The following PCDHA12 variants were observed in gnomAD, a reference collection of about 807,000 sequenced individuals.
The protein encoded by PCDHA12 is protocadherin alpha-12.
In PCDHA12, 44 loss-of-function variants were observed where a neutral mutation model predicts 60.0. The ratio of observed to expected loss-of-function variants is 0.73; its 90% confidence interval spans 0.58 to 0.94. The LOEUF (loss-of-function observed/expected upper bound fraction) is 0.94, where lower values mean the gene tolerates loss of function less well. Among genes scored for constraint, PCDHA12 ranks in the 40% least tolerant of loss-of-function variants. PCDHA12 has a pLI of 0.00. For missense variants in PCDHA12, 1,276 were observed against 1,239.7 expected (o/e 1.03, Z -0.44); for synonymous variants, 569 against 553.0 (o/e 1.03, Z -0.40).
intron 1 of PCDHA12, among the ~76,000 whole-genome samples, chr5:140,924,635 C>G (rs2081927697): frequency 6.6e-6 from 1 of 152,108 alleles, no homozygotes; most frequent in Non-Finnish European, 1.5e-5. Context: ...GGGCTCACAC[C>G]TGTAATCCCA....
At chr5:140,923,839 A>G (rs2081544977) in intron 1 of PCDHA12, among the ~76,000 whole-genome samples, 1 of 152,236 alleles carries the variant, frequency 6.6e-6, no homozygotes, top group Non-Finnish European at 1.5e-5. Flanking sequence ...CAGTTTAAAT[A>G]GAGAAATGGG....
intron 1 of PCDHA12, among the ~76,000 whole-genome samples, chr5:140,886,063 G>A (rs547299842): frequency 3.3e-5 from 5 of 152,172 alleles, no homozygotes; most frequent in East Asian, 1.9e-4. Flanking sequence ...TTACAAAAGC[G>A]TAGGGCCATA....
intron 1 of PCDHA12, among the ~76,000 whole-genome samples, chr5:140,914,956 T>C (rs2076915145): frequency 6.6e-6 from 1 of 150,718 alleles, no homozygotes; most frequent in African/African-American, 2.4e-5. Flanking sequence ...TTTTTTTTTT[T>C]TTTTTTCTGA....
At chr5:141,005,422 A>G (rs1383654342) in intron 3 of PCDHA12, among the ~76,000 whole-genome samples, 3 of 152,132 alleles carry the variant, frequency 2.0e-5, no homozygotes, top group African/African-American at 7.2e-5. Flanking sequence ...AGTCATGCTA[A>G]GAATGGATGA....
At chr5:140,938,715 C>T (rs138044331) in intron 1 of PCDHA12, among the ~76,000 whole-genome samples, 10 of 152,038 alleles carry the variant, frequency 6.6e-5, no homozygotes, top group African/African-American at 2.4e-4. Flanking sequence ...ATGATAGAAA[C>T]GCGTTTCTAC....
intron 1 of PCDHA12, among the ~76,000 whole-genome samples, chr5:140,933,742 A>G (rs1242551337): frequency 6.6e-6 from 1 of 152,068 alleles, no homozygotes; most frequent in Non-Finnish European, 1.5e-5. Context: ...AATATTTGGT[A>G]GAATTCACTA....
intron 1 of PCDHA12, among the ~76,000 whole-genome samples, chr5:140,897,416 T>C (rs1233824796): frequency 6.9e-6 from 1 of 145,554 alleles, no homozygotes; most frequent in African/African-American, 2.5e-5. Flanking sequence ...TCAATTCCCA[T>C]CTATGAGTGA....
At chr5:140,952,160 G>A (rs952147312) in intron 1 of PCDHA12, among the ~76,000 whole-genome samples, 1 of 152,044 alleles carries the variant, frequency 6.6e-6, no homozygotes, top group Non-Finnish European at 1.5e-5. Context: ...GGCTTTGTGG[G>A]GTTCAGTTCC....
At chr5:140,972,091 C>G (rs1169233514) in intron 1 of PCDHA12, among the ~76,000 whole-genome samples, 3 of 152,164 alleles carry the variant, frequency 2.0e-5, no homozygotes, top group African/African-American at 4.8e-5. Context: ...AGAGTAATTT[C>G]TGGCATAGAA....
At chr5:140,893,409 T>C (rs2153442529) in intron 1 of PCDHA12, among the ~76,000 whole-genome samples, 1 of 152,154 alleles carries the variant, frequency 6.6e-6, no homozygotes, top group South Asian at 2.1e-4. Context: ...TCCCAGCACT[T>C]AGGGAGGCAG....
chr5:140,955,976 G>A (rs2095244273), intron 1 of PCDHA12, among the ~76,000 whole-genome samples: 1 of 152,180 alleles, frequency 6.6e-6, no homozygotes, highest in South Asian at 2.1e-4. Flanking sequence ...AGGAATGCTA[G>A]CAATTTTTGC....
intron 1 of PCDHA12, chr5:140,884,310 G>C (rs1562802595): frequency 1.2e-6 from 2 of 1,613,792 alleles, no homozygotes; most frequent in African/African-American, 2.7e-5. Context: ...GCTTCGTCGA[G>C]GGCGTCGGCA....
At chr5:141,006,363 C>A (rs2098270160) in intron 3 of PCDHA12, among the ~76,000 whole-genome samples, 1 of 152,080 alleles carries the variant, frequency 6.6e-6, no homozygotes, top group Non-Finnish European at 1.5e-5. Context: ...AGGCGCCCAC[C>A]ACCACGCCCG....
Position 140,883,224 on chromosome 5 carries a change from C to A in PCDHA12, c.2367+5385C>A, listed in dbSNP as rs782659730. The stretch of plus-strand genomic sequence containing the variant: ...GAAGAAAAGAAATTATATGAAATAT[C>A]CGTGGAGGCAGTTGACAAAGGAAAT... On this transcript the variant is annotated intron_variant, in intron 1 of 3. Transcript: ENST00000398631. The A allele has an allele frequency of 1.2e-5, 20 of 1,613,828 alleles. 2 individuals carry two copies. In the South Asian group the frequency reaches 2.2e-4, roughly 18 times the overall value.
At chr5:140,991,183 A>G (rs3776108) in intron 3 of PCDHA12, among the ~76,000 whole-genome samples, 7,613 of 152,310 alleles carry the variant, frequency 0.05, 238 homozygotes, top group South Asian at 0.11. Flanking sequence ...CAGGATGCCT[A>G]GCACACAATG....
Position 140,966,881 on chromosome 5 carries a change from C to T in PCDHA12, c.2368-12068C>T, listed in dbSNP as rs2096065304. 4.4e-6 allele frequency: 7 copies of T among 1,588,952 alleles called. No individual in the cohort carries two copies. In the South Asian group the frequency reaches 6.7e-5, roughly 15 times the overall value. ...GCTGTTGCTGCTGCTGCTACCTGGC[C>T]CTGCGGCCTCCCAGCTGCGATACTC... On this transcript the variant is annotated intron_variant, in intron 1 of 3. Coordinates refer to ENST00000398631, the MANE Select transcript of PCDHA12 (RefSeq NM_018903.4).
At chr5:140,984,031 CAT>C (rs2153832931) in intron 3 of PCDHA12, among the ~76,000 whole-genome samples, 1 of 152,260 alleles carries the variant, frequency 6.6e-6, no homozygotes, top group South Asian at 2.1e-4. Context: ...AGGGGAAAAA[CAT>C]AAAATAGTTC....
Position 140,947,771 on chromosome 5 carries a change from T to C in PCDHA12, c.2368-31178T>C, listed in dbSNP as rs1167163964. ...TATTTTATGGTTTAAAAAATTCTAT[T>C]GTAAATGGATTTTAAACAGACTTTT... On this transcript the variant is annotated intron_variant, in intron 1 of 3. Transcript: ENST00000398631. 2.6e-5 allele frequency among the ~76,000 whole-genome samples: 4 copies of C among 151,706 alleles called. No individual in the cohort carries two copies. The East Asian group carries it at 5.8e-4, about 22-fold the overall frequency.
intron 1 of PCDHA12, among the ~76,000 whole-genome samples, chr5:140,946,167 T>C (rs2153672434): frequency 6.6e-6 from 1 of 151,842 alleles, no homozygotes; most frequent in South Asian, 2.1e-4. Context: ...AAAAGATGGG[T>C]AAAGGATGTG....
Sources: allele counts gnomAD v4.1 joint callset (sites outside exome capture counted in the v4.1 genomes callset), GRCh38; gene constraint gnomAD v4.1.1; transcripts MANE v1.5; gene names NCBI Gene and HGNC (gene_info 2026-07-23, HGNC 2026-07-21).